The following RELCH variants were observed in gnomAD, a reference collection of about 807,000 sequenced individuals.
RELCH encodes RAB11 binding and LisH domain, coiled-coil and HEAT repeat containing.
Under a neutral mutation model 150.3 loss-of-function variants are expected in RELCH, and 41 were observed. That is an observed-to-expected ratio of 0.27 (90% CI 0.21 to 0.35). The LOEUF is 0.35. Ranked by LOEUF, RELCH falls within the 10% of genes least tolerant of loss-of-function variation. The pLI is 1.00. For missense variants in RELCH, 1,092 were observed against 1,467.8 expected, an observed-to-expected ratio of 0.74 and a Z score of 4.18; for synonymous variants, 478 against 531.8, an observed-to-expected ratio of 0.90 and a Z score of 1.39.
intron 25 of RELCH, among the ~76,000 whole-genome samples, chr18:62,282,966 G>C (rs2044600457): frequency 6.6e-6 from 1 of 152,068 alleles, no homozygotes; most frequent in South Asian, 2.1e-4. Context: ...CCTAGTGGAT[G>C]GTCTTATACT....
At chr18:62,253,236 T>A (rs2042816676) in intron 12 of RELCH, among the ~76,000 whole-genome samples, 1 of 84,328 alleles carries the variant, frequency 1.2e-5, no homozygotes, top group African/African-American at 4.1e-5. Flanking sequence ...GGCCCTGAGG[T>A]GGGAGTATAC....
intron 12 of RELCH, among the ~76,000 whole-genome samples, chr18:62,253,992 G>GTT (rs1214592197): frequency 6.6e-6 from 1 of 152,030 alleles, no homozygotes; most frequent in Non-Finnish European, 1.5e-5. Context: ...ACTACAATCA[G>GTT]TTTTTAAACA....
In RELCH at chr18:62,231,203, T is replaced by G; in HGVS notation, c.1458T>G (p.Ser486=). 1 of 1,596,200 alleles carries G rather than the reference T, an allele frequency of 6.3e-7. No homozygotes were observed. Among genetic ancestry groups the G allele is most frequent in the Non-Finnish European group, 8.6e-7 (1 of 1,166,360 alleles). Residue 486 remains serine (S), a synonymous_variant, in exon 9 of 29, where the codon TCT becomes TCG. Coordinates refer to ENST00000644646, the MANE Select transcript of RELCH (RefSeq NM_001346231.2). ...ATACATTTTCTTCTAGGAAATTGTC[T>G]CCTGCATTCCATCAAGCACTACTCT... ...VHFDKPNRKL[S]PAFHQALLSF...
chr18:62,227,568 G>A, intron 6 of RELCH, 30 bp from the exon 7 acceptor site: 1 of 1,532,032 alleles, frequency 6.5e-7, no homozygotes, highest in Non-Finnish European at 9.0e-7. Flanking sequence ...GAGATCTTGA[G>A]TTTCTGTTTT....
chr18:62,295,682 C>T lies in RELCH; in HGVS notation c.3460-3108C>T, dbSNP rs111479951. 7.0e-3 allele frequency among the ~76,000 whole-genome samples: 1,063 copies of T among 152,072 alleles called. 14 individuals are homozygous for T. The highest frequency in any genetic ancestry group is 0.024 in the African/African-American group (1,014 of 41,508). On this transcript the variant is annotated intron_variant, in intron 27 of 28. Transcript: ENST00000644646. ...CAACCTCTGCCTCCCAGTGATCCCC[C>T]CACCTCAGCCTCCTGAGTAGCTGGG...
intron 5 of RELCH, among the ~76,000 whole-genome samples, chr18:62,224,544 A>T (rs903022944): frequency 6.6e-6 from 1 of 152,144 alleles, no homozygotes; most frequent in African/African-American, 2.4e-5. Context: ...CAAAAACGGT[A>T]CAAAAACTAA....
rs539055675 is a variant in RELCH at position 62,229,518 on chromosome 18, G to GTGTGTC, written c.1448+923_1448+924insGTCTGT. 2.9e-3 allele frequency among the ~76,000 whole-genome samples: 426 copies of GTGTGTC among 147,712 alleles called. 2 individuals are homozygous for GTGTGTC. The highest frequency in any genetic ancestry group is 8.8e-3 in the African/African-American group (354 of 40,252). ...TGTGTGTGTGTGTGTGTGTGTGTGTGTGTCTGTCTGTCTGTCTGTCTGTGT... is the reference window on the plus strand; with the variant it reads ...TGTGTGTGTGTGTGTGTGTGTGTGTGTGTGTCTGTCTGTCTGTCTGTCTGTCTGTGT... On this transcript the variant is annotated intron_variant, in intron 8 of 28. Coordinates refer to ENST00000644646, the MANE Select transcript of RELCH (RefSeq NM_001346231.2).
intron 20 of RELCH, chr18:62,269,466 T>C: frequency 2.4e-6 from 1 of 414,756 alleles, no homozygotes; most frequent in South Asian, 1.7e-5. Flanking sequence ...GACCCAAGTC[T>C]AAACACAAAA....
intron 1 of RELCH, among the ~76,000 whole-genome samples, chr18:62,190,841 A>G (rs1599750889): frequency 6.6e-6 from 1 of 152,066 alleles, no homozygotes; most frequent in Non-Finnish European, 1.5e-5. Flanking sequence ...CCCCATACCT[A>G]TGCCACCCCA....
intron 24 of RELCH, 144 bp from the exon 25 acceptor site, chr18:62,282,162 T>C: frequency 1.8e-6 from 1 of 559,668 alleles, no homozygotes; most frequent in Non-Finnish European, 3.0e-6. Context: ...AACTATTTAT[T>C]TAATTCCAAA....
rs1309077721 is a variant in RELCH, at chr18:62,204,506, A to AT, written c.527-6641dup. Among the ~76,000 whole-genome samples, 10 of 151,830 alleles carry AT rather than the reference A, an allele frequency of 6.6e-5. No homozygotes were observed. In the South Asian group the frequency reaches 2.1e-3, roughly 32 times the overall value. ...GCCACCATGCCCAACTAATTTTTCG[A>AT]TTTTTTGTAGAGACAATGTCTCACT... On this transcript the variant is annotated intron_variant, in intron 1 of 28. Coordinates refer to ENST00000644646, the MANE Select transcript of RELCH (RefSeq NM_001346231.2).
At chr18:62,240,208 G>C (rs1023044788) in intron 10 of RELCH, among the ~76,000 whole-genome samples, 2 of 151,840 alleles carry the variant, frequency 1.3e-5, no homozygotes, top group Non-Finnish European at 2.9e-5. Flanking sequence ...CTTTGGAACA[G>C]ATATTTTTAT....
chr18:62,197,934 T>A (rs569581275), intron 1 of RELCH, among the ~76,000 whole-genome samples: 1 of 152,230 alleles, frequency 6.6e-6, no homozygotes, highest in African/African-American at 2.4e-5. Flanking sequence ...ACTGGACTTA[T>A]ACCAATGTCT....
intron 12 of RELCH, 46 bp from the exon 13 acceptor site, chr18:62,255,357 AAGGG>A: frequency 8.5e-7 from 1 of 1,171,190 alleles, no homozygotes; most frequent in Non-Finnish European, 1.3e-6. Flanking sequence ...CTTTTGAAGG[AAGGG>A]AGGGTATGCT....
intron 1 of RELCH, among the ~76,000 whole-genome samples, chr18:62,192,412 TTTGCTTTTGTTGCAA>T (rs1380228923): frequency 1.3e-5 from 2 of 152,238 alleles, no homozygotes; most frequent in Non-Finnish European, 2.9e-5. Flanking sequence ...TTTGCCAATT[TTTGCTTTTGTTGCAA>T]TTGCTTTTGG....
Position 62,264,775 on chromosome 18 carries a change from A to G in RELCH, c.2554A>G (p.Thr852Ala). ...EIVGKINVTS[T>A]ACVHEFSRFF... ...AGTTGGCAAAATTAATGTTACTTCA[A>G]CTGCCTGTGTCCATGAATTCTCCAG... Residue 852 changes from threonine to alanine, a missense_variant, in exon 18 of 29, where the codon ACT (threonine) becomes GCT (alanine). Thr to Ala is a moderately conservative substitution (Grantham distance 58, BLOSUM62 0). Transcript: ENST00000644646. The G allele has an allele frequency of 1.2e-6, 2 of 1,606,270 alleles. No homozygotes were observed. Among genetic ancestry groups the G allele is most frequent in the African/African-American group, 1.3e-5 (1 of 74,704 alleles).
intron 2 of RELCH, among the ~76,000 whole-genome samples, chr18:62,216,929 C>G (rs2040510921): frequency 6.6e-6 from 1 of 151,918 alleles, no homozygotes. Flanking sequence ...TTGATTTAAA[C>G]CATATCTAAA....
intron 15 of RELCH, among the ~76,000 whole-genome samples, chr18:62,259,506 A>T (rs1256564134): frequency 1.3e-5 from 2 of 151,938 alleles, no homozygotes; most frequent in African/African-American, 4.8e-5. Context: ...AAAAAAAGAT[A>T]TCCATATTTA....
intron 20 of RELCH, among the ~76,000 whole-genome samples, chr18:62,271,219 G>A (rs907495823): frequency 2.0e-5 from 3 of 152,146 alleles, no homozygotes; most frequent in African/African-American, 7.2e-5. Context: ...CAGTGTAAAA[G>A]CGTTCCTATT....
Sources: allele counts gnomAD v4.1 joint callset (sites outside exome capture counted in the v4.1 genomes callset), GRCh38; gene constraint gnomAD v4.1.1; transcripts MANE v1.5; gene names NCBI Gene and HGNC (gene_info 2026-07-23, HGNC 2026-07-21).